The following DAAM1 variants were observed in gnomAD, a reference collection of about 807,000 sequenced individuals.
The protein encoded by DAAM1 is dishevelled associated activator of morphogenesis 1.
A neutral mutation model predicts 130.0 loss-of-function variants in DAAM1; 52 were observed. The observed-to-expected ratio is 0.40, with a 90% CI of 0.32 to 0.50. DAAM1 has a LOEUF of 0.50. DAAM1 is among the 20% of genes least tolerant of loss of function. DAAM1 has a pLI of 0.61. For synonymous variants in DAAM1, 452 were observed against 444.5 expected (o/e 1.02, Z -0.21); for missense variants, 1,134 against 1,303.8 (o/e 0.87, Z 2.01).
intron 20 of DAAM1, among the ~76,000 whole-genome samples, 178 bp downstream of exon 20, chr14:59,355,511 C>T (rs1054203751): frequency 2.0e-5 from 3 of 152,148 alleles, no homozygotes; most frequent in Non-Finnish European, 4.4e-5. Flanking sequence ...CTCTCATGAC[C>T]GCAGGCATCT....
At chr14:59,327,398 G>GTTTCTTTTTTTTTTTTTTT (rs1885248286) in intron 12 of DAAM1, among the ~76,000 whole-genome samples, 1 of 72,774 alleles carries the variant, frequency 1.4e-5, no homozygotes, top group Non-Finnish European at 2.6e-5. Flanking sequence ...AGGTCACTTG[G>GTTTCTTTTTTTTTTTTTTT]TTTCTTTTTT....
intron 1 of DAAM1, among the ~76,000 whole-genome samples, chr14:59,255,996 A>C (rs1253012): frequency 6.7e-6 from 1 of 148,326 alleles, no homozygotes; most frequent in South Asian, 2.2e-4. Context: ...CTTGACTGCC[A>C]TTTCCACTAA....
In DAAM1 at chr14:59,355,282, T is replaced by G. The variant is rs369786109; in HGVS notation, c.2474T>G (p.Phe825Cys). ...GGTCAAAGAGGGAATGCATATGGATTCAAGATATCTAGCCTAAACAAAATT... is the reference window on the plus strand; with the variant it reads ...GGTCAAAGAGGGAATGCATATGGATGCAAGATATCTAGCCTAAACAAAATT... ...NKGQRGNAYGFKISSLNKIAD... is the reference protein window; with the variant it reads ...NKGQRGNAYGCKISSLNKIAD... The change falls in exon 20 of 25, where the codon TTC becomes TGC. Residue 825 changes from phenylalanine to cysteine, a missense_variant. Transcript: ENST00000360909. The G allele has an allele frequency of 2.0e-4, 330 of 1,614,018 alleles. No homozygotes were observed. Among genetic ancestry groups the G allele is most frequent in the Non-Finnish European group, 2.6e-4 (307 of 1,180,006 alleles).
chr14:59,353,059 C>T (rs1433513768), intron 18 of DAAM1, among the ~76,000 whole-genome samples: 1 of 151,734 alleles, frequency 6.6e-6, no homozygotes, highest in African/African-American at 2.4e-5. Context: ...GCCCCCATAA[C>T]TGAACAACCA....
At chr14:59,226,374 AAC>A (rs368376707) in intron 1 of DAAM1, among the ~76,000 whole-genome samples, 4 of 151,626 alleles carry the variant, frequency 2.6e-5, no homozygotes, top group African/African-American at 4.8e-5. Flanking sequence ...ATTTAAGACA[AAC>A]ACACACACAC....
At chr14:59,314,617 GGT>G (rs1884716335) in intron 3 of DAAM1, among the ~76,000 whole-genome samples, 1 of 152,066 alleles carries the variant, frequency 6.6e-6, no homozygotes, top group Admixed American at 6.6e-5. Context: ...TTTAGGAATC[GGT>G]GCCTGAATTC....
At chr14:59,225,028 T>G (rs193213546) in intron 1 of DAAM1, among the ~76,000 whole-genome samples, 9,153 of 138,474 alleles carry the variant, frequency 0.066, 624 homozygotes, top group Non-Finnish European at 0.095. Context: ...GGTTTTTTTT[T>G]TTTTTTTTTT....
chr14:59,247,972 C>T (rs1400346725), intron 1 of DAAM1, among the ~76,000 whole-genome samples: 4 of 152,170 alleles, frequency 2.6e-5, no homozygotes, highest in African/African-American at 9.7e-5. Flanking sequence ...TTAAGCAGTA[C>T]TGTATTGAAA....
intron 2 of DAAM1, among the ~76,000 whole-genome samples, chr14:59,271,583 A>C (rs2139522650): frequency 6.6e-6 from 1 of 152,294 alleles, no homozygotes; most frequent in Admixed American, 6.5e-5. Context: ...CTACATCAAT[A>C]ATCTCTTCAT....
chr14:59,262,184 T>A (rs973195254), intron 1 of DAAM1, among the ~76,000 whole-genome samples: 5 of 152,222 alleles, frequency 3.3e-5, no homozygotes, highest in Non-Finnish European at 7.3e-5. Flanking sequence ...TTTTCTAATC[T>A]TATTCCACTC....
At chr14:59,329,124 G>A (rs1408204865) in intron 12 of DAAM1, among the ~76,000 whole-genome samples, 1 of 152,104 alleles carries the variant, frequency 6.6e-6, no homozygotes, top group Non-Finnish European at 1.5e-5. Context: ...CCCAAACCTG[G>A]CATACATCAG....
At chr14:59,248,867 T>A (rs1881511484) in intron 1 of DAAM1, among the ~76,000 whole-genome samples, 1 of 152,148 alleles carries the variant, frequency 6.6e-6, no homozygotes. Context: ...CACTGCAACT[T>A]CCGCCTGCCT....
intron 8 of DAAM1, among the ~76,000 whole-genome samples, 166 bp from the exon 9 acceptor site, chr14:59,325,498 T>C (rs570525992): frequency 6.6e-6 from 1 of 152,344 alleles, no homozygotes; most frequent in African/African-American, 2.4e-5. Context: ...GTGATGTCTT[T>C]TTTTCTTAGA....
In DAAM1 at chr14:59,369,341, T is replaced by C. The variant is rs928890207; in HGVS notation, c.*482T>C. ...TGGAACTGGAGTTGTTGGAAAAACA[T>C]AGATTTAAAATGATTTTTGATAGCT... On this transcript the variant is annotated 3_prime_UTR_variant, in exon 25 of 25. Transcript: ENST00000360909. 1 of 153,156 alleles carries C rather than the reference T, an allele frequency of 6.5e-6. No individual in the cohort carries two copies. Among genetic ancestry groups the C allele is most frequent in the African/African-American group, 2.4e-5 (1 of 41,440 alleles). The allele number at this position is 153,156 out of a possible 1,614,324, so 9.5% of individuals were successfully genotyped here.
At chr14:59,341,511 G>C (rs1034923665) in intron 16 of DAAM1, among the ~76,000 whole-genome samples, 2 of 152,016 alleles carry the variant, frequency 1.3e-5, no homozygotes, top group Non-Finnish European at 2.9e-5. Flanking sequence ...ACAATATATT[G>C]TTTTAATTGT....
intron 2 of DAAM1, among the ~76,000 whole-genome samples, chr14:59,269,655 A>G (rs1297821940): frequency 6.6e-6 from 1 of 152,206 alleles, no homozygotes; most frequent in African/African-American, 2.4e-5. Context: ...GGTGCTGTTC[A>G]CTAACACCTA....
chr14:59,201,884 T>G (rs900372548), intron 1 of DAAM1, among the ~76,000 whole-genome samples: 1 of 152,204 alleles, frequency 6.6e-6, no homozygotes, highest in Non-Finnish European at 1.5e-5. Flanking sequence ...AGGAAGGGTC[T>G]TTTACCTGTC....
chr14:59,339,574 G>A (rs1885764555), intron 15 of DAAM1, among the ~76,000 whole-genome samples: 1 of 152,114 alleles, frequency 6.6e-6, no homozygotes, highest in Non-Finnish European at 1.5e-5. Context: ...TTACCATCTG[G>A]CTTTGGGAGC....
intron 1 of DAAM1, among the ~76,000 whole-genome samples, chr14:59,227,369 A>G (rs776378590): frequency 2.0e-5 from 3 of 152,274 alleles, no homozygotes; most frequent in East Asian, 1.9e-4. Context: ...CAGACTGACT[A>G]TGTAGGTCAC....
Sources: allele counts gnomAD v4.1 joint callset (sites outside exome capture counted in the v4.1 genomes callset), GRCh38; gene constraint gnomAD v4.1.1; transcripts MANE v1.5; gene names NCBI Gene and HGNC (gene_info 2026-07-23, HGNC 2026-07-21).